The following CSMD1 variants were observed in gnomAD, a reference collection of about 807,000 sequenced individuals.
The protein encoded by CSMD1 is CUB and Sushi multiple domains 1.
In CSMD1, 213 loss-of-function variants were observed where a neutral mutation model predicts 417.5. That is an observed-to-expected ratio of 0.51 (90% CI 0.46 to 0.57). The LOEUF (loss-of-function observed/expected upper bound fraction) is 0.57, where lower values mean the gene tolerates loss of function less well. CSMD1 is among the 20% of genes least tolerant of loss of function. The pLI, the probability that CSMD1 is intolerant of heterozygous loss-of-function variation, is 0.00. For synonymous variants in CSMD1, 2,862 were observed against 1,736.8 expected (o/e 1.65, Z -16.11); for missense variants, 6,923 against 4,529.7 (o/e 1.53, Z -15.17).
intron 21 of CSMD1, 139 bp downstream of exon 21, chr8:3,359,013 T>A: frequency 4.2e-6 from 3 of 708,866 alleles, no homozygotes; most frequent in Non-Finnish European, 7.1e-6. Context: ...TCTCCCCTGG[T>A]TGGCAGAGTG....
At chr8:3,958,572 T>C (rs1372684820) in intron 5 of CSMD1, among the ~76,000 whole-genome samples, 1 of 152,220 alleles carries the variant, frequency 6.6e-6, no homozygotes, top group Non-Finnish European at 1.5e-5. Context: ...TACTCATTTA[T>C]CTGCTTGTTC....
chr8:3,120,704 A>AGGT, intron 41 of CSMD1, among the ~76,000 whole-genome samples: 1 of 148,934 alleles, frequency 6.7e-6, no homozygotes, highest in African/African-American at 2.5e-5. Context: ...AAAATTAGCC[A>AGGT]GGGGGGGTGA....
At chr8:3,806,101 C>T (rs1325054536) in intron 5 of CSMD1, among the ~76,000 whole-genome samples, 3 of 152,066 alleles carry the variant, frequency 2.0e-5, no homozygotes, top group Non-Finnish European at 4.4e-5. Flanking sequence ...CTCCAATATG[C>T]CTTTTAGTTG....
chr8:3,881,791 A>G (rs1459880045), intron 5 of CSMD1, among the ~76,000 whole-genome samples: 1 of 152,182 alleles, frequency 6.6e-6, no homozygotes, highest in Non-Finnish European at 1.5e-5. Flanking sequence ...ATGCAAGGAA[A>G]GACAGCTAAG....
At chr8:4,430,850 T>C (rs1797834112) in intron 2 of CSMD1, among the ~76,000 whole-genome samples, 1 of 152,166 alleles carries the variant, frequency 6.6e-6, no homozygotes, top group Non-Finnish European at 1.5e-5. Flanking sequence ...TCCAGTGTTG[T>C]CCCCTCCACT....
chr8:3,471,449 C>T (rs1563070829), intron 11 of CSMD1, among the ~76,000 whole-genome samples: 1 of 152,122 alleles, frequency 6.6e-6, no homozygotes, highest in Non-Finnish European at 1.5e-5. Context: ...AGTTGCAGGG[C>T]TTTCTATATA....
At chr8:4,748,654 A>G (rs1269090658) in intron 1 of CSMD1, among the ~76,000 whole-genome samples, 1 of 152,252 alleles carries the variant, frequency 6.6e-6, no homozygotes, top group African/African-American at 2.4e-5. Flanking sequence ...TCCAGAATTT[A>G]AATTTTTAGT....
At chr8:3,864,758 G>C (rs1264936904) in intron 5 of CSMD1, among the ~76,000 whole-genome samples, 1 of 152,100 alleles carries the variant, frequency 6.6e-6, no homozygotes, top group African/African-American at 2.4e-5. Flanking sequence ...TTAAACTATA[G>C]GCACCATCGT....
At chr8:4,949,006 T>C (rs1233768457) in intron 1 of CSMD1, among the ~76,000 whole-genome samples, 1 of 152,170 alleles carries the variant, frequency 6.6e-6, no homozygotes, top group Non-Finnish European at 1.5e-5. Flanking sequence ...CTTCTGTTCT[T>C]TGTTTGCTAA....
At chr8:3,924,894 T>G (rs1370578209) in intron 5 of CSMD1, among the ~76,000 whole-genome samples, 1 of 152,182 alleles carries the variant, frequency 6.6e-6, no homozygotes, top group Non-Finnish European at 1.5e-5. Context: ...GGTGCTTTGT[T>G]TTGCTATTTT....
At chr8:3,197,441 T>C (rs185735294) in intron 33 of CSMD1, among the ~76,000 whole-genome samples, 3 of 149,994 alleles carry the variant, frequency 2.0e-5, no homozygotes, top group Non-Finnish European at 4.4e-5. Context: ...TAGAATATTT[T>C]TCTATAATAT....
intron 3 of CSMD1, among the ~76,000 whole-genome samples, chr8:4,036,996 T>TGA (rs1797656010): frequency 1.4e-5 from 2 of 145,064 alleles, no homozygotes; most frequent in East Asian, 4.1e-4. Flanking sequence ...TGTGTGTGTG[T>TGA]GATCCTGCCA....
chr8:4,720,957 G>A (rs1676976), intron 1 of CSMD1, among the ~76,000 whole-genome samples: 3 of 152,122 alleles, frequency 2.0e-5, no homozygotes, highest in Admixed American at 2.0e-4. Flanking sequence ...TCTTAAGCTT[G>A]CCCTGCCTAC....
chr8:4,133,757 C>T (rs1354033535), intron 3 of CSMD1, among the ~76,000 whole-genome samples: 8 of 151,966 alleles, frequency 5.3e-5, no homozygotes, highest in Non-Finnish European at 8.8e-5. Context: ...TATTTTATAT[C>T]CCTGATAATC....
chr8:4,860,121 T>A (rs1802038370), intron 1 of CSMD1, among the ~76,000 whole-genome samples: 1 of 151,510 alleles, frequency 6.6e-6, no homozygotes, highest in Non-Finnish European at 1.5e-5. Flanking sequence ...GGGACATGGA[T>A]GAAATTGGAA....
chr8:4,529,500 T>C lies in CSMD1; in HGVS notation c.302+107842A>G, dbSNP rs144824725. 4.3e-4 allele frequency among the ~76,000 whole-genome samples: 65 copies of C among 152,292 alleles called. No individual in the cohort carries two copies. In the East Asian group the frequency reaches 9.8e-3, roughly 23 times the overall value. On this transcript the variant is annotated intron_variant, in intron 2 of 69. Transcript: ENST00000635120. ...TTAATGATTTATAACTATTATTTAA[T>C]TATGAATAAATTTCTAAAAATGCCT...
At chr8:3,778,597 G>A (rs1487811782) in intron 5 of CSMD1, among the ~76,000 whole-genome samples, 1 of 152,132 alleles carries the variant, frequency 6.6e-6, no homozygotes, top group South Asian at 2.1e-4. Context: ...GAGCATCAGT[G>A]CCCTCTCCTG....
At chr8:4,367,224 T>G (rs1802127091) in intron 3 of CSMD1, among the ~76,000 whole-genome samples, 2 of 152,162 alleles carry the variant, frequency 1.3e-5, no homozygotes, top group African/African-American at 4.8e-5. Flanking sequence ...TTTTTGTATG[T>G]GGTGTAAGGA....
intron 3 of CSMD1, among the ~76,000 whole-genome samples, chr8:4,085,526 C>T (rs1337600891): frequency 6.6e-6 from 1 of 152,116 alleles, no homozygotes; most frequent in Non-Finnish European, 1.5e-5. Context: ...TTTATCCTAT[C>T]CGTTCTTTGT....
Sources: gnomAD v4.1 joint callset for allele counts (sites outside exome capture counted in the v4.1 genomes callset) on GRCh38, gnomAD v4.1.1 for gene constraint, MANE v1.5 for transcripts, NCBI Gene and HGNC (gene_info 2026-07-23, HGNC 2026-07-21) for gene names.